RASAL2: variants seen among roughly 807,000 people sequenced by gnomAD.
RASAL2 encodes RAS protein activator like 2.
A neutral mutation model predicts 128.9 loss-of-function variants in RASAL2; 58 were observed. The ratio of observed to expected loss-of-function variants is 0.45; its 90% CI spans 0.36 to 0.56. The LOEUF (loss-of-function observed/expected upper bound fraction) is 0.56. Ranked by LOEUF, RASAL2 falls within the 20% of genes least tolerant of loss-of-function variation. The pLI is 0.00. For missense variants in RASAL2, 1,360 were observed against 1,601.6 expected, an observed-to-expected ratio of 0.85 and a Z score of 2.57; for synonymous variants, 561 against 580.8, an observed-to-expected ratio of 0.97 and a Z score of 0.49.
chr1:178,420,665 GA>G, intron 5 of RASAL2, 45 bp downstream of exon 5: 1 of 1,413,262 alleles, frequency 7.1e-7, no homozygotes, highest in South Asian at 1.3e-5. Flanking sequence ...GTTTGAGAGT[GA>G]ATTTTGTTAA....
At chr1:178,390,293 A>G in intron 4 of RASAL2, 87 bp downstream of exon 4, 1 of 868,898 alleles carries the variant, frequency 1.2e-6, no homozygotes, top group Non-Finnish European at 1.8e-6. Flanking sequence ...AAGGAATCCA[A>G]ACATTCTTCT....
chr1:178,339,956 A>C (rs770265298), intron 3 of RASAL2, among the ~76,000 whole-genome samples: 2 of 152,184 alleles, frequency 1.3e-5, no homozygotes, highest in Non-Finnish European at 2.9e-5. Flanking sequence ...TCATGACCTT[A>C]TAATTCAAAC....
chr1:178,420,607 A>C lies in RASAL2; in HGVS notation c.661A>C (p.Ser221Arg), dbSNP rs1675085057. The C allele has an allele frequency of 2.5e-6, 4 of 1,605,270 alleles. No homozygotes were observed. Among genetic ancestry groups the C allele is most frequent in the Non-Finnish European group, 3.4e-6 (4 of 1,173,716 alleles). The change falls in exon 5 of 18, where the codon AGT becomes CGT. Residue 221 changes from serine (S) to arginine (R), a missense_variant. This residue lies in a region of RASAL2 where 617 missense variants were observed against 714.2 expected (regional missense o/e 0.86). Transcript: ENST00000367649. ...GAGCTTTCGGCTTCCATCCCTTCGC[A>C]GTACAGATGACAGGTAGGAAGTTAA... is the stretch of plus-strand genomic sequence containing the variant. The part of the protein sequence containing the change: ...NTSFRLPSLR[S>R]TDDRSRGLPK...
intron 1 of RASAL2, among the ~76,000 whole-genome samples, chr1:178,101,798 A>G (rs566156724): frequency 6.6e-6 from 1 of 152,194 alleles, no homozygotes; most frequent in Non-Finnish European, 1.5e-5. Flanking sequence ...TTTAGCTTCT[A>G]GATCTTGCTG....
intron 5 of RASAL2, among the ~76,000 whole-genome samples, chr1:178,438,390 A>G (rs187630194): frequency 2.6e-5 from 4 of 152,094 alleles, no homozygotes; most frequent in Non-Finnish European, 5.9e-5. Context: ...TATAAAAACA[A>G]TTGTCTTTAC....
intron 9 of RASAL2, among the ~76,000 whole-genome samples, chr1:178,450,534 C>T (rs1029926339): frequency 1.2e-4 from 18 of 152,120 alleles, no homozygotes; most frequent in Non-Finnish European, 2.9e-5. Context: ...TTCATTTATC[C>T]AAATACTAAC....
chr1:178,254,306 A>G (rs1571713913), intron 1 of RASAL2, among the ~76,000 whole-genome samples: 1 of 152,256 alleles, frequency 6.6e-6, no homozygotes, highest in South Asian at 2.1e-4. Flanking sequence ...AAGTCTCCCC[A>G]TATTATATAC....
intron 3 of RASAL2, among the ~76,000 whole-genome samples, chr1:178,373,934 A>T (rs1036865875): frequency 2.6e-5 from 4 of 152,124 alleles, no homozygotes; most frequent in Non-Finnish European, 4.4e-5. Flanking sequence ...TCAATTCCCG[A>T]TTATCCACCC....
At position 178,477,436 on chromosome 1, in the gene RASAL2, C is replaced by T. The variant is rs1321285484; in HGVS notation, c.*4197C>T. 6.6e-6 allele frequency: 1 copy of T among 152,080 alleles called. No homozygotes were observed. The highest frequency in any genetic ancestry group is 1.5e-5 in the Non-Finnish European group (1 of 68,020). 9.4% of individuals were successfully genotyped at this position (152,080 alleles called of 1,614,324 possible). A position where few individuals can be genotyped will look rare whatever the true frequency, so the allele number is the denominator to read the frequency against. On this transcript the variant is annotated 3_prime_UTR_variant, in exon 18 of 18. Coordinates refer to ENST00000367649, the MANE Select transcript of RASAL2 (RefSeq NM_170692.4). ...TTGTCATGACCCGATTATGTATACT[C>T]TTGGGTTTAGGAAGGACAAAAGTGA...
At chr1:178,372,293 AAGAAG>A (rs1427776882) in intron 3 of RASAL2, 5 of 985,228 alleles carry the variant, frequency 5.1e-6, no homozygotes, top group South Asian at 4.7e-5. Flanking sequence ...AGTAGCACCG[AAGAAG>A]AGAAGAGCCT....
chr1:178,231,382 T>C (rs1204238860), intron 1 of RASAL2, among the ~76,000 whole-genome samples: 1 of 152,214 alleles, frequency 6.6e-6, no homozygotes, highest in Non-Finnish European at 1.5e-5. Context: ...TTTTAAAAAA[T>C]TGGTTTTTCT....
chr1:178,129,699 ATAGTT>A (rs1485677666), intron 1 of RASAL2, among the ~76,000 whole-genome samples: 1 of 151,578 alleles, frequency 6.6e-6, no homozygotes, highest in East Asian at 1.9e-4. Context: ...AAGAAATTTT[ATAGTT>A]TAGTTTTAAA....
At position 178,439,460 on chromosome 1, in the gene RASAL2, A is replaced by G. The variant is rs942234136; in HGVS notation, c.713A>G (p.His238Arg). The G allele has an allele frequency of 7.4e-6, 12 of 1,612,224 alleles. No individual in the cohort carries two copies. The African/African-American group carries it at 1.2e-4, about 16-fold the overall frequency. Reference sequence around the variant, plus strand: ...CCTAAACTAAAAGAGTCACGTTCCCATGAATCCTTGCTGAGCCCATGCAGC... The same window carrying G: ...CCTAAACTAAAAGAGTCACGTTCCCGTGAATCCTTGCTGAGCCCATGCAGC... ...GLPKLKESRS[H>R]ESLLSPCSTV... The change falls in exon 6 of 18, where the codon CAT (histidine) becomes CGT (arginine). Residue 238 changes from histidine to arginine, a missense_variant. His to Arg is a conservative substitution (Grantham distance 29). Coordinates refer to ENST00000367649, the MANE Select transcript of RASAL2 (RefSeq NM_170692.4).
chr1:178,404,317 A>G (rs1378174737), intron 4 of RASAL2, among the ~76,000 whole-genome samples: 2 of 152,246 alleles, frequency 1.3e-5, no homozygotes, highest in East Asian at 3.9e-4. Context: ...ATAGGTAAAA[A>G]TGTTTCTGAA....
At chr1:178,231,460 G>A (rs1664004828) in intron 1 of RASAL2, among the ~76,000 whole-genome samples, 1 of 152,108 alleles carries the variant, frequency 6.6e-6, no homozygotes, top group South Asian at 2.1e-4. Flanking sequence ...TTTGTATTGT[G>A]AATATTTTTT....
rs956249016 is a variant in RASAL2, at chr1:178,457,730, A to G, written c.2438A>G (p.Tyr813Cys). The G allele has an allele frequency of 6.2e-7, 1 of 1,614,160 alleles. No homozygotes were observed. The highest frequency in any genetic ancestry group is 8.5e-7 in the Non-Finnish European group (1 of 1,180,016). ...KSPSQDNTDS[Y>C]FRGKTLLLVQ... ...CCAAGCCAGGACAACACAGACAGCTACTTCAGAGGGAAAACATTATTGCTG... is the reference window on the plus strand; with the variant it reads ...CCAAGCCAGGACAACACAGACAGCTGCTTCAGAGGGAAAACATTATTGCTG... Residue 813 changes from tyrosine to cysteine, a missense_variant, in exon 14 of 18, where the codon TAC becomes TGC. Tyr to Cys is a radical substitution (Grantham distance 194, BLOSUM62 -2). Coordinates refer to ENST00000367649, the MANE Select transcript of RASAL2 (RefSeq NM_170692.4).
intron 1 of RASAL2, among the ~76,000 whole-genome samples, chr1:178,239,059 C>T (rs1400285100): frequency 1.3e-5 from 2 of 151,950 alleles, no homozygotes; most frequent in African/African-American, 4.8e-5. Context: ...ATTGAAATGT[C>T]TTAAAAAAAT....
intron 1 of RASAL2, among the ~76,000 whole-genome samples, chr1:178,224,822 T>A (rs1383245611): frequency 6.6e-6 from 1 of 152,146 alleles, no homozygotes; most frequent in Admixed American, 6.5e-5. Context: ...TTTTCCCTTT[T>A]CATCTCTACT....
At chr1:178,258,154 C>G (rs1240782570) in intron 1 of RASAL2, among the ~76,000 whole-genome samples, 1 of 151,820 alleles carries the variant, frequency 6.6e-6, no homozygotes, top group Admixed American at 6.6e-5. Context: ...ATTAGCCAGG[C>G]ATGGTGGCAC....
Sources: allele counts gnomAD v4.1 joint callset (sites outside exome capture counted in the v4.1 genomes callset), GRCh38; gene constraint gnomAD v4.1.1; regional missense constraint gnomAD v4.1.1; transcripts MANE v1.5; gene names NCBI Gene and HGNC (gene_info 2026-07-23, HGNC 2026-07-21).